SLCO3A1: variants seen among roughly 807,000 people sequenced by gnomAD.
The protein encoded by SLCO3A1 is solute carrier organic anion transporter family member 3A1.
SLCO3A1 carries 27 observed loss-of-function variants against 63.1 expected under a neutral mutation model. That is an observed-to-expected ratio of 0.43 (90% CI 0.32 to 0.59). The LOEUF is 0.59. SLCO3A1 is among the 20% of genes least tolerant of loss of function. The probability of loss-of-function intolerance (pLI) is 0.09; values close to 1 mark genes in which losing one functional copy is unlikely to be tolerated. For missense variants in SLCO3A1, 773 were observed against 945.8 expected (o/e 0.82, Z 2.40); for synonymous variants, 473 against 409.9 (o/e 1.15, Z -1.86).
At chr15:92,003,655 G>C (rs151302474) in intron 2 of SLCO3A1, among the ~76,000 whole-genome samples, 1 of 152,356 alleles carries the variant, frequency 6.6e-6, no homozygotes, top group Admixed American at 6.5e-5. Flanking sequence ...ACAAGATTCA[G>C]TAGTGACATG....
At chr15:92,027,891 G>A (rs1423846864) in intron 2 of SLCO3A1, among the ~76,000 whole-genome samples, 3 of 152,196 alleles carry the variant, frequency 2.0e-5, no homozygotes, top group African/African-American at 7.2e-5. Flanking sequence ...TAGTTTTCAG[G>A]TAAGGCACGA....
At chr15:92,089,019 A>C (rs964402559) in intron 2 of SLCO3A1, among the ~76,000 whole-genome samples, 3 of 149,996 alleles carry the variant, frequency 2.0e-5, no homozygotes, top group Non-Finnish European at 4.4e-5. Context: ...TTATTTATTT[A>C]TTTATTTATT....
chr15:91,887,366 C>T (rs1897750936), intron 1 of SLCO3A1, among the ~76,000 whole-genome samples: 1 of 152,004 alleles, frequency 6.6e-6, no homozygotes, highest in African/African-American at 2.4e-5. Flanking sequence ...CAACAATGAC[C>T]CTAAAGCACT....
chr15:92,080,940 G>C (rs1302283888), intron 2 of SLCO3A1, among the ~76,000 whole-genome samples: 2 of 64,686 alleles, frequency 3.1e-5, no homozygotes, highest in Non-Finnish European at 7.3e-5. Context: ...CATAGTAGCT[G>C]TGTGTGTGTG....
intron 2 of SLCO3A1, among the ~76,000 whole-genome samples, chr15:91,955,180 C>T (rs1001996790): frequency 2.6e-5 from 4 of 152,096 alleles, no homozygotes; most frequent in South Asian, 2.1e-4. Flanking sequence ...TCAGCTTCCA[C>T]GTGAAGAAAC....
At chr15:91,946,425 G>A (rs1408306899) in intron 2 of SLCO3A1, among the ~76,000 whole-genome samples, 3 of 152,198 alleles carry the variant, frequency 2.0e-5, no homozygotes, top group East Asian at 1.9e-4. Context: ...GGAGCACTCC[G>A]GGCCCTGGTA....
chr15:92,031,779 C>T (rs867294037), intron 2 of SLCO3A1, among the ~76,000 whole-genome samples: 2 of 152,178 alleles, frequency 1.3e-5, no homozygotes, highest in Non-Finnish European at 2.9e-5. Flanking sequence ...TCACCTCAAG[C>T]ATTTATCCTT....
chr15:92,057,072 G>A (rs1171760164), intron 2 of SLCO3A1, among the ~76,000 whole-genome samples: 1 of 152,190 alleles, frequency 6.6e-6, no homozygotes, highest in African/African-American at 2.4e-5. Context: ...GCCCTTCTGG[G>A]CTATCAGAGC....
At chr15:92,019,179 T>C (rs2046476207) in intron 2 of SLCO3A1, among the ~76,000 whole-genome samples, 1 of 151,788 alleles carries the variant, frequency 6.6e-6, no homozygotes, top group African/African-American at 2.4e-5. Flanking sequence ...CAGGCAGAGG[T>C]TGTGTGTGAG....
intron 2 of SLCO3A1, among the ~76,000 whole-genome samples, chr15:91,939,472 TCCA>T (rs1899539154): frequency 1.3e-5 from 2 of 152,154 alleles, no homozygotes; most frequent in South Asian, 2.1e-4. Flanking sequence ...AGCAGGAGCC[TCCA>T]CCTCCCAGCT....
rs1378324313 is a variant in SLCO3A1 at position 91,865,449 on chromosome 15, G to T, written c.180+11361G>T. Among the ~76,000 whole-genome samples the T allele has an allele frequency of 6.6e-6, 1 of 152,188 alleles. No homozygotes were observed. Among genetic ancestry groups the T allele is most frequent in the Non-Finnish European group, 1.5e-5 (1 of 68,036 alleles). On this transcript the variant is annotated intron_variant, in intron 1 of 9. Transcript: ENST00000318445. This position sits in a 1 kb window ranked among gnomAD's most constrained non-coding sequence, Gnocchi z 4.6. ...CCAGGTCTATTCATTAACTAGGGCT[G>T]CTGTAACAAATTACCACAAACTGGG...
chr15:92,121,891 G>T (rs1235080511), intron 5 of SLCO3A1, among the ~76,000 whole-genome samples: 1 of 152,214 alleles, frequency 6.6e-6, no homozygotes, highest in Non-Finnish European at 1.5e-5. Flanking sequence ...TAATGATGAG[G>T]ACAGCTTGCA....
Position 91,893,957 on chromosome 15 carries a change from C to G in SLCO3A1, c.181-22036C>G, listed in dbSNP as rs143172408. Reference sequence around the variant, plus strand: ...CACTTCTGGACAAGGTACTTGAATGCCAGGAGGACCAAAAGTGTGTTGCCA... The same window carrying G: ...CACTTCTGGACAAGGTACTTGAATGGCAGGAGGACCAAAAGTGTGTTGCCA... On this transcript the variant is annotated intron_variant, in intron 1 of 9. Transcript: ENST00000318445. 4.9e-3 allele frequency among the ~76,000 whole-genome samples: 742 copies of G among 152,256 alleles called. 3 individuals carry two copies. The highest frequency in any genetic ancestry group is 8.4e-3 in the Non-Finnish European group (574 of 68,012).
At chr15:92,007,263 C>G (rs1428559960) in intron 2 of SLCO3A1, among the ~76,000 whole-genome samples, 1 of 152,162 alleles carries the variant, frequency 6.6e-6, no homozygotes. Flanking sequence ...GGTTGGAGAA[C>G]CCATAAACAC....
Position 91,967,140 on chromosome 15 carries a change from T to C in SLCO3A1, c.646+50682T>C, listed in dbSNP as rs1900688791. ...AGAAGTTTTGAAATACCTCATTCTA[T>C]TTGTGCTGCTTTTTATCCTTTCTAA... On this transcript the variant is annotated intron_variant, in intron 2 of 9. Coordinates refer to ENST00000318445, the MANE Select transcript of SLCO3A1 (RefSeq NM_013272.4). This position sits in a 1 kb window ranked among gnomAD's most constrained non-coding sequence, Gnocchi z 4.4. Among the ~76,000 whole-genome samples, 1 of 152,218 alleles carries C rather than the reference T, an allele frequency of 6.6e-6. No individual in the cohort carries two copies. The highest frequency in any genetic ancestry group is 1.5e-5 in the Non-Finnish European group (1 of 68,040).
intron 4 of SLCO3A1, among the ~76,000 whole-genome samples, chr15:92,110,351 GC>G (rs2047713907): frequency 6.6e-6 from 1 of 152,162 alleles, no homozygotes; most frequent in African/African-American, 2.4e-5. Flanking sequence ...TGTTGTCCAT[GC>G]TGTGATCTTT....
chr15:92,002,071 G>T (rs2046261989), intron 2 of SLCO3A1, among the ~76,000 whole-genome samples: 1 of 152,008 alleles, frequency 6.6e-6, no homozygotes, highest in Non-Finnish European at 1.5e-5. Flanking sequence ...GGGACTCTTG[G>T]GTAAGTGCTG....
rs576914009 is a variant in SLCO3A1, at chr15:91,863,587, A to G, written c.180+9499A>G. ...ATCACACCATCCTCTTCTTGAAGCT[A>G]TACATGCGTGGGGTGCACAGCACAC... is the stretch of plus-strand genomic sequence containing the variant. On this transcript the variant is annotated intron_variant, in intron 1 of 9. Coordinates refer to ENST00000318445, the MANE Select transcript of SLCO3A1 (RefSeq NM_013272.4). This position sits in a 1 kb window ranked among gnomAD's most constrained non-coding sequence, Gnocchi z 4.3. Among the ~76,000 whole-genome samples the G allele has an allele frequency of 3.9e-5, 6 of 152,300 alleles. No homozygotes were observed. In the South Asian group the frequency reaches 8.3e-4, roughly 21 times the overall value.
At chr15:92,156,867 A>C (rs965485251) in intron 9 of SLCO3A1, among the ~76,000 whole-genome samples, 2 of 152,140 alleles carry the variant, frequency 1.3e-5, no homozygotes, top group African/African-American at 4.8e-5. Flanking sequence ...ATTTGAACTT[A>C]TTTTTCTTAC....
Sources: gnomAD v4.1 joint callset for allele counts (sites outside exome capture counted in the v4.1 genomes callset) on GRCh38, gnomAD v4.1.1 for gene constraint, Gnocchi (gnomAD v3.1) non-coding constraint, MANE v1.5 for transcripts, NCBI Gene and HGNC (gene_info 2026-07-23, HGNC 2026-07-21) for gene names.